Variants in FAF1 observed in about 807,000 individuals in gnomAD.
The protein encoded by FAF1 is FAS-associated factor 1.
FAF1 carries 25 observed loss-of-function variants against 92.5 expected under a neutral mutation model. The ratio of observed to expected loss-of-function variants is 0.27; its 90% CI spans 0.20 to 0.38. The LOEUF is 0.38. Among genes scored for constraint, FAF1 ranks in the 10% least tolerant of loss-of-function variants. The probability of loss-of-function intolerance (pLI) is 1.00; values close to 1 mark genes in which losing one functional copy is unlikely to be tolerated. For missense variants in FAF1, 636 were observed against 793.3 expected, an observed-to-expected ratio of 0.80 and a Z score of 2.38; for synonymous variants, 234 against 273.2, an observed-to-expected ratio of 0.86 and a Z score of 1.42.
chr1:50,845,071 TTTA>T (rs1161172831), intron 2 of FAF1, among the ~76,000 whole-genome samples: 19 of 152,238 alleles, frequency 1.2e-4, no homozygotes, highest in African/African-American at 3.9e-4. Context: ...CAGTTATCAA[TTTA>T]TTGACTCTCA....
chr1:50,648,833 G>A lies in FAF1; in HGVS notation c.744+6609C>T, dbSNP rs993520133. Among the ~76,000 whole-genome samples, 8 of 152,188 alleles carry A rather than the reference G, an allele frequency of 5.3e-5. No homozygotes were observed. In the South Asian group the frequency reaches 1.5e-3, roughly 28 times the overall value. ...CCCAGCTACTCGGGAAGCTGAGGTA[G>A]GAGAATCACTTGAACCCAGGAGGCG... On this transcript the variant is annotated intron_variant, in intron 8 of 18. Transcript: ENST00000396153.
intron 18 of FAF1, among the ~76,000 whole-genome samples, chr1:50,459,579 G>C (rs1646400271): frequency 6.6e-6 from 1 of 152,152 alleles, no homozygotes; most frequent in Non-Finnish European, 1.5e-5. Flanking sequence ...CCGCAACCTT[G>C]ACACAGCCAA....
At chr1:50,478,585 TTCACCATCAAGATAGCCA>T (rs1312007216) in intron 17 of FAF1, among the ~76,000 whole-genome samples, 4 of 152,206 alleles carry the variant, frequency 2.6e-5, no homozygotes, top group Non-Finnish European at 5.9e-5. Context: ...AATCTGTAGA[TTCACCATCAAGATAGCCA>T]TCACCATCAG....
At chr1:50,880,620 C>G (rs938524249) in intron 1 of FAF1, among the ~76,000 whole-genome samples, 1 of 152,164 alleles carries the variant, frequency 6.6e-6, no homozygotes, top group Non-Finnish European at 1.5e-5. Context: ...GAGGAGCCTT[C>G]GCTAGAAATG....
intron 1 of FAF1, among the ~76,000 whole-genome samples, chr1:50,907,347 T>C (rs2124716717): frequency 6.6e-6 from 1 of 152,334 alleles, no homozygotes; most frequent in East Asian, 1.9e-4. Context: ...TTCTCTTTTT[T>C]GGTTGTGTCT....
chr1:50,453,656 G>A (rs1187552356), intron 18 of FAF1, among the ~76,000 whole-genome samples: 3 of 152,214 alleles, frequency 2.0e-5, no homozygotes, highest in East Asian at 1.9e-4. Context: ...GTCCAGCAGC[G>A]GCCTGTACAA....
chr1:50,812,954 A>G (rs1053962266), intron 2 of FAF1, among the ~76,000 whole-genome samples: 1 of 152,178 alleles, frequency 6.6e-6, no homozygotes, highest in Non-Finnish European at 1.5e-5. Context: ...CATTATCCCA[A>G]ACTAACGCAG....
intron 8 of FAF1, among the ~76,000 whole-genome samples, chr1:50,649,379 G>A (rs1654754869): frequency 6.6e-6 from 1 of 150,980 alleles, no homozygotes; most frequent in Non-Finnish European, 1.5e-5. Context: ...TTGAACTCCT[G>A]ACCTCAGGTG....
intron 1 of FAF1, among the ~76,000 whole-genome samples, chr1:50,899,828 T>G (rs1644782578): frequency 6.6e-6 from 1 of 152,190 alleles, no homozygotes; most frequent in East Asian, 1.9e-4. Context: ...TAAGTTTTGT[T>G]AGGTACCACC....
intron 3 of FAF1, among the ~76,000 whole-genome samples, chr1:50,796,419 T>C (rs889562682): frequency 1.3e-5 from 2 of 152,118 alleles, no homozygotes; most frequent in African/African-American, 4.8e-5. Context: ...TGAACAGGAC[T>C]TCCTTCTCAT....
chr1:50,818,921 C>T (rs924110500), intron 2 of FAF1, among the ~76,000 whole-genome samples: 1 of 152,042 alleles, frequency 6.6e-6, no homozygotes, highest in African/African-American at 2.4e-5. Flanking sequence ...ATCTTATACA[C>T]ATAGTCTGAA....
intron 18 of FAF1, among the ~76,000 whole-genome samples, chr1:50,463,509 T>C (rs905319101): frequency 1.3e-4 from 20 of 152,324 alleles, no homozygotes; most frequent in Admixed American, 1.2e-3. Flanking sequence ...GCATAGACTT[T>C]GGAGGTTAGA....
intron 9 of FAF1, among the ~76,000 whole-genome samples, chr1:50,594,172 G>A (rs566820193): frequency 3.1e-4 from 47 of 151,986 alleles, no homozygotes; most frequent in African/African-American, 1.1e-3. Flanking sequence ...AAATTGAGCC[G>A]GGTGTGGTGG....
At chr1:50,628,106 T>A (rs1469236495) in intron 8 of FAF1, among the ~76,000 whole-genome samples, 1 of 152,156 alleles carries the variant, frequency 6.6e-6, no homozygotes, top group East Asian at 1.9e-4. Context: ...GGTATGTTTA[T>A]GTTTCTGTGT....
chr1:50,700,793 T>C (rs1434077550), intron 7 of FAF1, among the ~76,000 whole-genome samples: 1 of 152,040 alleles, frequency 6.6e-6, no homozygotes, highest in Non-Finnish European at 1.5e-5. Flanking sequence ...GAAATGCAGG[T>C]AGACAAATAC....
chr1:50,683,406 ACTTCCAGCTAC>A lies in FAF1; in HGVS notation c.657+22369_657+22379del, dbSNP rs1656511707. ...GCTGGGCATAGTGGCATGCACCTGTACTTCCAGCTACTTGGGAGGTTGAGGTGGGAGAATCC... is the reference window on the plus strand; with the variant it reads ...GCTGGGCATAGTGGCATGCACCTGTATTGGGAGGTTGAGGTGGGAGAATCC... On this transcript the variant is annotated intron_variant, in intron 7 of 18. Transcript: ENST00000396153. 2.0e-5 allele frequency among the ~76,000 whole-genome samples: 3 copies of A among 151,974 alleles called. 1 individual carries two copies. In the South Asian group the frequency reaches 6.2e-4, roughly 32 times the overall value.
At chr1:50,716,942 C>G (rs1212031120) in intron 6 of FAF1, among the ~76,000 whole-genome samples, 2 of 152,182 alleles carry the variant, frequency 1.3e-5, no homozygotes, top group Non-Finnish European at 2.9e-5. Context: ...TGGGTCTGCA[C>G]CACCTTTAAG....
intron 8 of FAF1, among the ~76,000 whole-genome samples, chr1:50,628,743 T>A (rs1364157533): frequency 6.6e-6 from 1 of 152,208 alleles, no homozygotes; most frequent in Non-Finnish European, 1.5e-5. Context: ...CATCTCACAT[T>A]CCATAAAAAT....
intron 8 of FAF1, among the ~76,000 whole-genome samples, chr1:50,634,648 T>A (rs1025074012): frequency 3.9e-5 from 6 of 152,196 alleles, no homozygotes; most frequent in African/African-American, 1.4e-4. Context: ...AGCAGGGGTG[T>A]CTCTGGAGAA....
Sources: allele counts gnomAD v4.1 joint callset (sites outside exome capture counted in the v4.1 genomes callset), GRCh38; gene constraint gnomAD v4.1.1; transcripts MANE v1.5; gene names NCBI Gene and HGNC (gene_info 2026-07-23, HGNC 2026-07-21).